The following PDE1A variants were observed in gnomAD, a reference collection of about 807,000 sequenced individuals.
The protein encoded by PDE1A is dual specificity calcium/calmodulin-dependent 3',5'-cyclic nucleotide phosphodiesterase 1A.
A neutral mutation model predicts 61.7 loss-of-function variants in PDE1A; 35 were observed. The observed-to-expected ratio is 0.57, with a 90% CI of 0.43 to 0.75. The LOEUF (loss-of-function observed/expected upper bound fraction) is 0.75. Ranked by LOEUF, PDE1A falls within the 30% of genes least tolerant of loss-of-function variation. The pLI is 0.00. For missense variants in PDE1A, 597 were observed against 630.6 expected, an observed-to-expected ratio of 0.95 and a Z score of 0.57; for synonymous variants, 232 against 213.2, an observed-to-expected ratio of 1.09 and a Z score of -0.77.
the PDE1A span, among the ~76,000 whole-genome samples, chr2:182,557,311 T>A: frequency 6.6e-6 from 1 of 152,240 alleles, no homozygotes; most frequent in East Asian, 1.9e-4. Flanking sequence ...TTAAAAATTC[T>A]AGTGCTTCCT....
chr2:182,631,424 G>A, the PDE1A span, among the ~76,000 whole-genome samples: 73 of 152,058 alleles, frequency 4.8e-4, no homozygotes, highest in African/African-American at 1.6e-3. Flanking sequence ...TCATCATCTC[G>A]CATTAGGTAA....
intron 1 of PDE1A, among the ~76,000 whole-genome samples, chr2:182,360,856 C>T (rs180854939): frequency 5.9e-5 from 9 of 152,052 alleles, no homozygotes; most frequent in African/African-American, 2.2e-4. Context: ...TACTTGTAAA[C>T]AAGTCCTGGG....
At chr2:182,420,231 GA>G (rs1703189697) in intron 1 of PDE1A, among the ~76,000 whole-genome samples, 1 of 151,856 alleles carries the variant, frequency 6.6e-6, no homozygotes, top group African/African-American at 2.4e-5. Flanking sequence ...TTTTTTCACA[GA>G]AACATCACTA....
chr2:182,351,053 A>G (rs1418685623), intron 1 of PDE1A, among the ~76,000 whole-genome samples: 1 of 152,226 alleles, frequency 6.6e-6, no homozygotes, highest in Non-Finnish European at 1.5e-5. Context: ...TTTCAGCAGT[A>G]TTAACAGAAA....
chr2:182,329,301 T>G (rs1242105938), intron 1 of PDE1A, among the ~76,000 whole-genome samples: 1 of 152,356 alleles, frequency 6.6e-6, no homozygotes, highest in Non-Finnish European at 1.5e-5. Context: ...TTGCACTCAC[T>G]GTTCTTCATC....
At chr2:182,628,563 A>G in the PDE1A span, among the ~76,000 whole-genome samples, 2 of 152,208 alleles carry the variant, frequency 1.3e-5, no homozygotes, top group African/African-American at 2.4e-5. Context: ...TCAAGGAAGT[A>G]CATGATATTG....
chr2:182,658,834 T>C, the PDE1A span, among the ~76,000 whole-genome samples: 2 of 152,198 alleles, frequency 1.3e-5, no homozygotes, highest in African/African-American at 4.8e-5. Flanking sequence ...TTTGTATGCA[T>C]ACAAGTGCAC....
rs895661989 is a variant in PDE1A at position 182,240,136 on chromosome 2, A to G, written c.324T>C (p.Ala108=). 4.3e-6 allele frequency: 7 copies of G among 1,613,722 alleles called. No individual in the cohort carries two copies. The African/African-American group carries it at 8.0e-5, about 18-fold the overall frequency. ...TTTCCACAAAAATTCCAGCTTGAAC[A>G]GCATGCACAATGCTCCGAAATTTTG... The change falls in exon 3 of 14, where the codon GCT becomes GCC. Residue 108 remains alanine, a synonymous_variant. Coordinates refer to ENST00000351439, the Ensembl canonical transcript of PDE1A.
intron 1 of PDE1A, among the ~76,000 whole-genome samples, chr2:182,344,821 G>A (rs1336208504): frequency 6.6e-6 from 1 of 151,658 alleles, no homozygotes; most frequent in Non-Finnish European, 1.5e-5. Context: ...TTTTAAGAAA[G>A]CATCTCATCC....
At chr2:182,210,711 TA>T (rs1687511901) in intron 7 of PDE1A, among the ~76,000 whole-genome samples, 1 of 152,158 alleles carries the variant, frequency 6.6e-6, no homozygotes, top group Non-Finnish European at 1.5e-5. Flanking sequence ...ATATTATATT[TA>T]AAAAGTCATC....
chr2:182,683,335 C>T, the PDE1A span, among the ~76,000 whole-genome samples: 3 of 152,142 alleles, frequency 2.0e-5, no homozygotes, highest in East Asian at 5.8e-4. Flanking sequence ...CCTCGGCCTC[C>T]CAAAGTGCTG....
chr2:182,305,164 T>C (rs944823312), intron 1 of PDE1A, among the ~76,000 whole-genome samples: 8 of 121,116 alleles, frequency 6.6e-5, no homozygotes, highest in African/African-American at 1.9e-4. Flanking sequence ...CTTCTATTAA[T>C]GTTTGTTCGG....
intron 1 of PDE1A, among the ~76,000 whole-genome samples, chr2:182,310,453 T>A (rs971478155): frequency 3.3e-5 from 5 of 152,032 alleles, no homozygotes; most frequent in African/African-American, 1.2e-4. Context: ...TTGTAGCAAC[T>A]TTTTTTTCAG....
chr2:182,537,728 G>C, the PDE1A span, among the ~76,000 whole-genome samples: 2 of 151,964 alleles, frequency 1.3e-5, no homozygotes, highest in Non-Finnish European at 2.9e-5. Flanking sequence ...AGAGGGAGCA[G>C]CAAATAAAAA....
chr2:182,513,364 A>C (rs1157612665), intron 2 of PDE1A, among the ~76,000 whole-genome samples: 1 of 152,230 alleles, frequency 6.6e-6, no homozygotes, highest in Non-Finnish European at 1.5e-5. Flanking sequence ...TCATAAAACA[A>C]GGAAAAATAA....
chr2:182,323,462 A>C (rs1033273404), intron 1 of PDE1A, among the ~76,000 whole-genome samples: 1 of 152,210 alleles, frequency 6.6e-6, no homozygotes. Context: ...GAGAGAGACT[A>C]TTAGGAAGTT....
chr2:182,522,912 C>T (rs1404213330), upstream of PDE1A: 1 of 152,392 alleles, frequency 6.6e-6, no homozygotes, highest in Non-Finnish European at 1.5e-5. Flanking sequence ...TGTTTAAATG[C>T]CAAGGTTTTT....
the PDE1A span, among the ~76,000 whole-genome samples, chr2:182,609,696 G>T: frequency 1.3e-5 from 2 of 152,202 alleles, no homozygotes; most frequent in African/African-American, 2.4e-5. Flanking sequence ...TCACCGCGAG[G>T]GTTCGCGGCT....
At chr2:182,398,531 T>A (rs1325734863) in intron 1 of PDE1A, among the ~76,000 whole-genome samples, 1 of 152,066 alleles carries the variant, frequency 6.6e-6, no homozygotes, top group Non-Finnish European at 1.5e-5. Context: ...TTTGCACAGT[T>A]GAATTAAGAT....
Sources: allele counts gnomAD v4.1 joint callset (sites outside exome capture counted in the v4.1 genomes callset), GRCh38; gene constraint gnomAD v4.1.1; transcripts MANE v1.5; gene names NCBI Gene and HGNC (gene_info 2026-07-23, HGNC 2026-07-21).